The following GABRB1 variants were observed in gnomAD, a reference collection of about 807,000 sequenced individuals.
GABRB1 encodes gamma-aminobutyric acid type A receptor subunit beta1, also known as gamma-aminobutyric acid receptor subunit beta-1.
Under a neutral mutation model 51.6 loss-of-function variants are expected in GABRB1, and 17 were observed. The ratio of observed to expected loss-of-function variants is 0.33; its 90% CI spans 0.23 to 0.49. The LOEUF is 0.49. Among genes scored for constraint, GABRB1 ranks in the 20% least tolerant of loss-of-function variants. The pLI, the probability that GABRB1 is intolerant of heterozygous loss-of-function variation, is 0.99. For missense variants in GABRB1, 410 were observed against 600.6 expected (o/e 0.68, Z 3.32); for synonymous variants, 247 against 218.9 (o/e 1.13, Z -1.14).
intron 4 of GABRB1, among the ~76,000 whole-genome samples, chr4:47,185,586 T>C (rs1719143537): frequency 6.6e-6 from 1 of 151,842 alleles, no homozygotes; most frequent in South Asian, 2.1e-4. Context: ...TGGTGTATTA[T>C]CAAGCAGAGC....
chr4:47,415,678 G>T (rs1029160883), intron 8 of GABRB1, among the ~76,000 whole-genome samples: 7 of 152,168 alleles, frequency 4.6e-5, no homozygotes, highest in Non-Finnish European at 7.3e-5. Context: ...AAGGTAGAAT[G>T]GAATCAGACA....
upstream of GABRB1, among the ~76,000 whole-genome samples, chr4:47,030,991 T>C (rs890808776): frequency 6.6e-6 from 1 of 152,116 alleles, no homozygotes; most frequent in Non-Finnish European, 1.5e-5. Flanking sequence ...CCCCTCCTAC[T>C]CTGCCTCCTA....
chr4:47,278,776 C>T (rs796295732), intron 4 of GABRB1, among the ~76,000 whole-genome samples: 1 of 152,142 alleles, frequency 6.6e-6, no homozygotes, highest in Non-Finnish European at 1.5e-5. Flanking sequence ...AGTTGCCAGA[C>T]CATCTGGCTA....
intron 1 of GABRB1, among the ~76,000 whole-genome samples, chr4:47,006,477 A>G (rs775388302): frequency 6.6e-6 from 1 of 152,194 alleles, no homozygotes; most frequent in Non-Finnish European, 1.5e-5. Flanking sequence ...TGCATCTATA[A>G]TATGTCTTAT....
chr4:47,007,668 G>C (rs749075380), intron 1 of GABRB1, among the ~76,000 whole-genome samples: 6 of 151,986 alleles, frequency 3.9e-5, no homozygotes, highest in Non-Finnish European at 7.4e-5. Context: ...ATTGTACCAA[G>C]AATGTTCTCT....
At chr4:47,059,744 T>C (rs758016864) in intron 3 of GABRB1, among the ~76,000 whole-genome samples, 4 of 152,130 alleles carry the variant, frequency 2.6e-5, no homozygotes, top group African/African-American at 7.2e-5. Context: ...AAAACATGAA[T>C]TTTATAGAGC....
intron 3 of GABRB1, among the ~76,000 whole-genome samples, chr4:47,049,633 T>C (rs1188224709): frequency 2.0e-5 from 3 of 152,328 alleles, no homozygotes; most frequent in East Asian, 3.9e-4. Context: ...TTTTTCACTT[T>C]TCTGCCTCAT....
At chr4:47,151,823 T>C (rs1451849890) in intron 3 of GABRB1, among the ~76,000 whole-genome samples, 3 of 152,038 alleles carry the variant, frequency 2.0e-5, no homozygotes, top group Non-Finnish European at 4.4e-5. Context: ...GTTTTGATTA[T>C]TGACTAACTT....
intron 3 of GABRB1, among the ~76,000 whole-genome samples, chr4:47,149,672 A>C (rs1717338695): frequency 6.6e-6 from 1 of 151,982 alleles, no homozygotes; most frequent in Admixed American, 6.6e-5. Context: ...ATTCATTTAG[A>C]TGTGTATGTT....
chr4:47,072,001 G>C (rs1339289080), intron 3 of GABRB1, among the ~76,000 whole-genome samples: 6 of 148,840 alleles, frequency 4.0e-5, no homozygotes, highest in Non-Finnish European at 7.4e-5. Flanking sequence ...ATGATTTACA[G>C]AGGAAATGAA....
rs11390050 is a variant in GABRB1, at chr4:47,159,124, G to GAA, written c.241-2116_241-2115dup. On this transcript the variant is annotated intron_variant, in intron 3 of 8. Coordinates refer to ENST00000295454, the MANE Select transcript of GABRB1 (RefSeq NM_000812.4). ...AGACCCGGTCTCAAAAAAAGAAAAA[G>GAA]AAAAAAAAAATAGCCAGGTGTGATG... Among the ~76,000 whole-genome samples the GAA allele has an allele frequency of 3.2e-4, 48 of 148,102 alleles. 1 individual carries two copies. The highest frequency in any genetic ancestry group is 2.2e-3 in the South Asian group (10 of 4,642).
At chr4:47,340,701 A>G (rs1725855282) in intron 5 of GABRB1, among the ~76,000 whole-genome samples, 1 of 152,140 alleles carries the variant, frequency 6.6e-6, no homozygotes, top group African/African-American at 2.4e-5. Context: ...ACCTCAGGGC[A>G]TAGGATTTCA....
At chr4:47,164,336 A>G (rs1160206074) in intron 4 of GABRB1, among the ~76,000 whole-genome samples, 1 of 152,128 alleles carries the variant, frequency 6.6e-6, no homozygotes, top group African/African-American at 2.4e-5. Flanking sequence ...AAGAAATGAC[A>G]GTCTGCATTT....
intron 5 of GABRB1, among the ~76,000 whole-genome samples, chr4:47,330,887 A>G (rs1213072561): frequency 2.0e-5 from 3 of 152,178 alleles, no homozygotes; most frequent in African/African-American, 7.2e-5. Flanking sequence ...AATTACAAGC[A>G]AAAGCCTTTA....
intron 4 of GABRB1, among the ~76,000 whole-genome samples, chr4:47,196,991 T>C (rs1011496913): frequency 5.3e-5 from 8 of 152,352 alleles, no homozygotes; most frequent in Middle Eastern, 3.4e-3. Context: ...TGTATACTTG[T>C]TGAGTTACAC....
intron 3 of GABRB1, among the ~76,000 whole-genome samples, chr4:47,130,958 C>T (rs974666152): frequency 6.6e-6 from 1 of 152,164 alleles, no homozygotes; most frequent in African/African-American, 2.4e-5. Flanking sequence ...TTCAACCAGT[C>T]ATCAAACTGA....
intron 3 of GABRB1, among the ~76,000 whole-genome samples, chr4:47,088,464 G>A (rs1360529238): frequency 3.3e-5 from 5 of 152,158 alleles, no homozygotes; most frequent in Admixed American, 3.3e-4. Context: ...CTAGGCTGGG[G>A]GAAGAGCCAA....
At chr4:47,052,989 T>C (rs1288488441) in intron 3 of GABRB1, among the ~76,000 whole-genome samples, 2 of 152,200 alleles carry the variant, frequency 1.3e-5, no homozygotes, top group Non-Finnish European at 2.9e-5. Context: ...GGCTGGGTTC[T>C]CCTGAGACAC....
At chr4:47,263,068 A>T (rs1401028629) in intron 4 of GABRB1, among the ~76,000 whole-genome samples, 1 of 149,576 alleles carries the variant, frequency 6.7e-6, no homozygotes, top group East Asian at 2.0e-4. Flanking sequence ...GGGGAGGGAT[A>T]GCTTTAGGAG....
Sources: allele counts gnomAD v4.1 joint callset (sites outside exome capture counted in the v4.1 genomes callset), GRCh38; gene constraint gnomAD v4.1.1; transcripts MANE v1.5; gene names NCBI Gene and HGNC (gene_info 2026-07-23, HGNC 2026-07-21).